Variants in TGOLN2 observed in about 807,000 individuals in gnomAD.
The protein encoded by TGOLN2 is trans-golgi network protein 2.
A neutral mutation model predicts 31.3 loss-of-function variants in TGOLN2; 19 were observed. The observed-to-expected ratio is 0.61, with a 90% CI of 0.42 to 0.89. The LOEUF (loss-of-function observed/expected upper bound fraction) is 0.89, where lower values mean the gene tolerates loss of function less well. Among genes scored for constraint, TGOLN2 ranks in the 40% least tolerant of loss-of-function variants. TGOLN2 has a pLI of 0.00. For missense variants in TGOLN2, 540 were observed against 559.2 expected (o/e 0.97, Z 0.35); for synonymous variants, 222 against 226.7 (o/e 0.98, Z 0.19).
chr2:85,326,914 T>C lies in TGOLN2; in HGVS notation c.818A>G (p.Lys273Arg), dbSNP rs747700388. The C allele has an allele frequency of 2.0e-5, 32 of 1,613,844 alleles. No homozygotes were observed. Among genetic ancestry groups the C allele is most frequent in the Non-Finnish European group, 2.6e-5 (31 of 1,179,904 alleles). The stretch of plus-strand genomic sequence containing the variant: ...GTTTGTGTCAGCCTTGGGGAGCTCC[T>C]TGTTATCAGAAGGGTTGGAGATGGG... ...SKPISNPSDN[K>R]ELPKADTNQL... Residue 273 changes from lysine (K) to arginine (R), a missense_variant, in exon 2 of 4, where the codon AAG becomes AGG. Coordinates refer to ENST00000377386, the MANE Select transcript of TGOLN2 (RefSeq NM_006464.4).
In TGOLN2 at chr2:85,326,517, G is replaced by C. The variant is rs755256397; in HGVS notation, c.1215C>G (p.Asn405Lys). ...LVAVLYIAHH[N>K]KRKIIAFVLE... The stretch of plus-strand genomic sequence containing the variant: ...GCCGCTGTCGACTTACCTTCCGCTT[G>C]TTGTGATGAGCGATATAGAGGACAG... The change falls in exon 2 of 4, where the codon AAC (asparagine) becomes AAG (lysine). Residue 405 changes from asparagine to lysine, a missense_variant. Physicochemically the swap from Asn to Lys is moderately conservative, Grantham distance 94 (BLOSUM62 0). Transcript: ENST00000377386. 2 of 1,610,644 alleles carry C rather than the reference G, an allele frequency of 1.2e-6. No homozygotes were observed. The highest frequency in any genetic ancestry group is 1.7e-6 in the Non-Finnish European group (2 of 1,177,176).
chr2:85,327,609 G>A lies in TGOLN2; in HGVS notation c.123C>T (p.Ser41=). 1.1e-5 allele frequency: 17 copies of A among 1,614,042 alleles called. No individual in the cohort carries two copies. Among genetic ancestry groups the A allele is most frequent in the African/African-American group, 5.3e-5 (4 of 75,066 alleles). ...GCCGTTGGCTCAAGCTGGGGTGGGTGGAGACGTTTCCTGCAGAAGGCCGTA... is the reference window on the plus strand; with the variant it reads ...GCCGTTGGCTCAAGCTGGGGTGGGTAGAGACGTTTCCTGCAGAAGGCCGTA... ...AGVRPSAGNV[S]THPSLSQRPG... is the part of the protein sequence containing the mutation. Residue 41 remains serine, a synonymous_variant, in exon 2 of 4, where the codon TCC becomes TCT. Coordinates refer to ENST00000377386, the MANE Select transcript of TGOLN2 (RefSeq NM_006464.4).
rs1682563359 is a variant in TGOLN2 at position 85,321,958 on chromosome 2, C to T, written c.*778G>A. ...TAAAAATCTGTGATGGGACAGTGGCCTCACTGCCAGGAAGCCCAAGTTCTG... is the reference window on the plus strand; with the variant it reads ...TAAAAATCTGTGATGGGACAGTGGCTTCACTGCCAGGAAGCCCAAGTTCTG... On this transcript the variant is annotated 3_prime_UTR_variant, in exon 4 of 4. Coordinates refer to ENST00000377386, the MANE Select transcript of TGOLN2 (RefSeq NM_006464.4). 6.6e-6 allele frequency: 1 copy of T among 152,218 alleles called. No homozygotes were observed. The highest frequency in any genetic ancestry group is 1.5e-5 in the Non-Finnish European group (1 of 68,048). The allele number at this position is 152,218 out of a possible 1,614,324, so 9.4% of individuals were successfully genotyped here.
Position 85,326,649 on chromosome 2 carries a change from A to T in TGOLN2, c.1083T>A (p.Asp361Glu). Residue 361 changes from aspartate (D) to glutamate (E), a missense_variant, in exon 2 of 4, where the codon GAT becomes GAA. Transcript: ENST00000377386. ...SSENREGTLS[D>E]STGSEKDDLY... ...GGTCATCCTTCTCGCTACCCGTGGA[A>T]TCCGAAAGTGTCCCTTCACGGTTCT... The T allele has an allele frequency of 6.2e-7, 1 of 1,614,012 alleles. No homozygotes were observed. The highest frequency in any genetic ancestry group is 8.5e-7 in the Non-Finnish European group (1 of 1,179,890).
At position 85,327,648 on chromosome 2, in the gene TGOLN2, T is replaced by C. The variant is rs1467243623; in HGVS notation, c.84A>G (p.Gln28=). The C allele has an allele frequency of 5.0e-6, 8 of 1,613,182 alleles. No individual in the cohort carries two copies. The highest frequency in any genetic ancestry group is 2.2e-5 in the East Asian group (1 of 44,856). ...VPLLATESVK[Q]EEAGVRPSAG... ...CAGAAGGCCGTACTCCAGCTTCTTC[T>C]TGCTTGACGCTTTCGGTGGCCAAGA... Residue 28 remains glutamine, a synonymous_variant, in exon 2 of 4, where the codon CAA becomes CAG. Coordinates refer to ENST00000377386, the MANE Select transcript of TGOLN2 (RefSeq NM_006464.4).
rs1335030505 is a variant in TGOLN2 at position 85,320,422 on chromosome 2, T to C, written c.*2314A>G. 1 of 150,512 alleles carries C rather than the reference T, an allele frequency of 6.6e-6. No homozygotes were observed. Among genetic ancestry groups the C allele is most frequent in the Non-Finnish European group, 1.5e-5 (1 of 67,640 alleles). 9.3% of individuals were successfully genotyped at this position (150,512 alleles called of 1,614,324 possible). On this transcript the variant is annotated 3_prime_UTR_variant, in exon 4 of 4. Transcript: ENST00000377386. ...TGTGCAATAAGAGAAGCAAGGAAAA[T>C]GGAAAGACTGTAGCTGAGGATCTTT... is the stretch of plus-strand genomic sequence containing the variant.
rs1682799556 is a variant in TGOLN2, at chr2:85,327,632, G to A, written c.100C>T (p.Arg34Trp). Residue 34 changes from arginine (R) to tryptophan (W), a missense_variant, in exon 2 of 4, where the codon CGG becomes TGG. Physicochemically the swap from Arg to Trp is moderately radical, Grantham distance 101. Coordinates refer to ENST00000377386, the MANE Select transcript of TGOLN2 (RefSeq NM_006464.4). ...ESVKQEEAGV[R>W]PSAGNVSTHP... Reference sequence around the variant, plus strand: ...GTGGAGACGTTTCCTGCAGAAGGCCGTACTCCAGCTTCTTCTTGCTTGACG... The same window carrying A: ...GTGGAGACGTTTCCTGCAGAAGGCCATACTCCAGCTTCTTCTTGCTTGACG... 2 of 1,613,772 alleles carry A rather than the reference G, an allele frequency of 1.2e-6. No homozygotes were observed. Among genetic ancestry groups the A allele is most frequent in the Non-Finnish European group, 1.7e-6 (2 of 1,179,798 alleles).
intron 3 of TGOLN2, among the ~76,000 whole-genome samples, chr2:85,323,147 T>A (rs1420058361): frequency 6.6e-6 from 1 of 152,198 alleles, no homozygotes; most frequent in Non-Finnish European, 1.5e-5. Context: ...TTTGTATTTT[T>A]AGTAGAGATG....
In TGOLN2 at chr2:85,321,193, T is replaced by A. The variant is rs1426948164; in HGVS notation, c.*1543A>T. 6.6e-6 allele frequency: 1 copy of A among 152,320 alleles called. No homozygotes were observed. The highest frequency in any genetic ancestry group is 1.5e-5 in the Non-Finnish European group (1 of 68,052). 9.4% of individuals were successfully genotyped at this position (152,320 alleles called of 1,614,324 possible). ...AGTCTTAGGGGATGCTAGAGAAGCC[T>A]AGAAGATTCCTCAGGTTGGTGCAAA... is the stretch of plus-strand genomic sequence containing the variant. On this transcript the variant is annotated 3_prime_UTR_variant, in exon 4 of 4. Coordinates refer to ENST00000377386, the MANE Select transcript of TGOLN2 (RefSeq NM_006464.4).
chr2:85,322,558 C>T lies in TGOLN2; in HGVS notation c.*178G>A, dbSNP rs1682584238. The T allele has an allele frequency of 7.1e-7, 1 of 1,410,848 alleles. No homozygotes were observed. Among genetic ancestry groups the T allele is most frequent in the Admixed American group, 2.8e-5 (1 of 35,802 alleles). The allele number at this position is 1,410,848 out of a possible 1,614,324, so 87.4% of individuals were successfully genotyped here. ...TACCTCTGCCAGCCCAGACCCGCCA[C>T]TAAATTCTAGAGGAGGGTGTCTCTC... On this transcript the variant is annotated 3_prime_UTR_variant, in exon 4 of 4. Transcript: ENST00000377386.
chr2:85,322,806 C>G, intron 3 of TGOLN2, 65 bp from the exon 4 acceptor site: 2 of 1,583,362 alleles, frequency 1.3e-6, no homozygotes, highest in Admixed American at 2.1e-5. Context: ...CATACTGACC[C>G]ACCACCACAG....
chr2:85,327,226 C>A lies in TGOLN2; in HGVS notation c.506G>T (p.Gly169Val), dbSNP rs374056688. The stretch of plus-strand genomic sequence containing the variant: ...ATCTTTTGTGGTCTGCGCCTCCGAA[C>A]CTGACTTGCTAGGGCTGTCTTTTTG... ...KTQKDSPSKS[G>V]SEAQTTKDVP... is the part of the protein sequence containing the mutation. Residue 169 changes from glycine (G) to valine (V), a missense_variant, in exon 2 of 4, where the codon GGT (glycine) becomes GTT (valine). Transcript: ENST00000377386. 189 of 1,612,672 alleles carry A rather than the reference C, an allele frequency of 1.2e-4. 1 individual carries two copies. The highest frequency in any genetic ancestry group is 1.8e-4 in the South Asian group (16 of 91,022).
chr2:85,327,795 C>CG, intron 1 of TGOLN2, 110 bp from the exon 2 acceptor site: 18 of 708,894 alleles, frequency 2.5e-5, no homozygotes, highest in Non-Finnish European at 2.7e-5. Context: ...GGGGGTGGGG[C>CG]GGGAGACGAT....
At position 85,322,304 on chromosome 2, in the gene TGOLN2, T is replaced by C; in HGVS notation, c.*432A>G. 1 of 266,560 alleles carries C rather than the reference T, an allele frequency of 3.8e-6. No homozygotes were observed. Among genetic ancestry groups the C allele is most frequent in the Non-Finnish European group, 7.1e-6 (1 of 140,090 alleles). The allele number at this position is 266,560 out of a possible 1,614,324, so 16.5% of individuals were successfully genotyped here. The stretch of plus-strand genomic sequence containing the variant: ...GTCTGCAGAGAGAAACAGTGCAGAG[T>C]GCAATGCCACAGTCAAGGACCAACT... On this transcript the variant is annotated 3_prime_UTR_variant, in exon 4 of 4. Transcript: ENST00000377386.
Position 85,327,971 on chromosome 2 carries a change from G to A in TGOLN2, c.-9C>T. The A allele has an allele frequency of 6.3e-7, 1 of 1,586,190 alleles. No individual in the cohort carries two copies. The highest frequency in any genetic ancestry group is 8.6e-7 in the Non-Finnish European group (1 of 1,166,612). ...GCAACCACGAACCGCATCCTGCTCG[G>A]ATAGCGCTTCCGCCCTCTAATGCTC... On this transcript the variant is annotated 5_prime_UTR_variant, in exon 1 of 4. Transcript: ENST00000377386.
In TGOLN2 at chr2:85,326,523, A is replaced by T; in HGVS notation, c.1209T>A (p.His403Gln). ...AILVAVLYIAHHNKRKIIAFV... is the reference protein window; with the variant it reads ...AILVAVLYIAQHNKRKIIAFV... ...GTCGACTTACCTTCCGCTTGTTGTG[A>T]TGAGCGATATAGAGGACAGCCACAA... is the stretch of plus-strand genomic sequence containing the variant. The change falls in exon 2 of 4, where the codon CAT (histidine) becomes CAA (glutamine). Residue 403 changes from histidine (H) to glutamine (Q), a missense_variant. Transcript: ENST00000377386. 2 of 1,611,534 alleles carry T rather than the reference A, an allele frequency of 1.2e-6. No individual in the cohort carries two copies. The highest frequency in any genetic ancestry group is 1.7e-6 in the Non-Finnish European group (2 of 1,177,908).
At position 85,322,512 on chromosome 2, in the gene TGOLN2, G is replaced by T; in HGVS notation, c.*224C>A. The T allele has an allele frequency of 1.3e-6, 1 of 798,614 alleles. No individual in the cohort carries two copies. The highest frequency in any genetic ancestry group is 1.9e-6 in the Non-Finnish European group (1 of 517,256). The allele number at this position is 798,614 out of a possible 1,614,324, so 49.5% of individuals were successfully genotyped here. ...AGAACAATGTCACCAAAGTGCAGGT[G>T]CAAAGCCCAAAGCAGCCCCCTACCT... On this transcript the variant is annotated 3_prime_UTR_variant, in exon 4 of 4. Coordinates refer to ENST00000377386, the MANE Select transcript of TGOLN2 (RefSeq NM_006464.4).
In TGOLN2 at chr2:85,327,419, G is replaced by C; in HGVS notation, c.313C>G (p.Gln105Glu). The C allele has an allele frequency of 6.2e-7, 1 of 1,607,678 alleles. No homozygotes were observed. Among genetic ancestry groups the C allele is most frequent in the Middle Eastern group, 1.7e-4 (1 of 6,018 alleles). ...CCCGACTTGCTAGTGCTGCCTTTTT[G>C]GGTCTTTGCCTCCGCACCCGACTTG... ...SNKSGAEAKT[Q>E]KGSTSKSGSE... Residue 105 changes from glutamine to glutamate, a missense_variant, in exon 2 of 4, where the codon CAA becomes GAA. Coordinates refer to ENST00000377386, the MANE Select transcript of TGOLN2 (RefSeq NM_006464.4).
intron 2 of TGOLN2, among the ~76,000 whole-genome samples, chr2:85,325,335 T>TA (rs879452401): frequency 1.8e-4 from 27 of 152,180 alleles, no homozygotes; most frequent in Non-Finnish European, 2.5e-4. Flanking sequence ...GACATTCCTT[T>TA]AAAAAAAGTC....
Sources: allele counts gnomAD v4.1 joint callset (sites outside exome capture counted in the v4.1 genomes callset), GRCh38; gene constraint gnomAD v4.1.1; transcripts MANE v1.5; gene names NCBI Gene and HGNC (gene_info 2026-07-23, HGNC 2026-07-21).